The following PPFIA2 variants were observed in gnomAD, a reference collection of about 807,000 sequenced individuals.
The protein encoded by PPFIA2 is PPFI scaffold protein A2.
Under a neutral mutation model 175.5 loss-of-function variants are expected in PPFIA2, and 46 were observed. The observed-to-expected ratio is 0.26, with a 90% CI of 0.21 to 0.34. The LOEUF (loss-of-function observed/expected upper bound fraction) is 0.34, where lower values mean the gene tolerates loss of function less well. PPFIA2 is among the 10% of genes least tolerant of loss of function. The pLI is 1.00. For synonymous variants in PPFIA2, 568 were observed against 511.4 expected (o/e 1.11, Z -1.49); for missense variants, 1,179 against 1,506.1 (o/e 0.78, Z 3.60).
chr12:81,374,494 A>G (rs2035908699), intron 11 of PPFIA2, 140 bp downstream of exon 11: 5 of 866,544 alleles, frequency 5.8e-6, no homozygotes, highest in Non-Finnish European at 7.9e-6. Flanking sequence ...CAAGAAAAAA[A>G]TTGACTTAAT....
intron 22 of PPFIA2, among the ~76,000 whole-genome samples, chr12:81,310,143 C>A (rs529386945): frequency 6.6e-6 from 1 of 152,136 alleles, no homozygotes; most frequent in South Asian, 2.1e-4. Context: ...AGTTTGTATG[C>A]TTCTGAAGGT....
In PPFIA2 at chr12:81,445,538, T is replaced by C; in HGVS notation, c.570+18A>G. ...GACAGAAGTGTAGTTAAGCTTGAAC[T>C]CTTTTTCCATACTATACCTTTTCAT... On this transcript the variant is annotated intron_variant, in intron 6 of 32. Transcript: ENST00000549396. 6.2e-7 allele frequency: 1 copy of C among 1,607,122 alleles called. No homozygotes were observed. The highest frequency in any genetic ancestry group is 8.5e-7 in the Non-Finnish European group (1 of 1,176,514).
At chr12:81,394,289 C>G (rs2040686425) in intron 8 of PPFIA2, among the ~76,000 whole-genome samples, 1 of 151,832 alleles carries the variant, frequency 6.6e-6, no homozygotes, top group Admixed American at 6.6e-5. Context: ...TACTTGGGCT[C>G]TTATATATTT....
intron 2 of PPFIA2, among the ~76,000 whole-genome samples, 187 bp from the exon 3 acceptor site, chr12:81,754,410 T>A (rs1472944734): frequency 6.6e-6 from 1 of 152,206 alleles, no homozygotes; most frequent in Non-Finnish European, 1.5e-5. Context: ...TTTACTTCCT[T>A]CAGCCTAAGT....
intron 21 of PPFIA2, among the ~76,000 whole-genome samples, chr12:81,330,925 A>G (rs2055987226): frequency 6.6e-6 from 1 of 152,236 alleles, no homozygotes; most frequent in Admixed American, 6.5e-5. Flanking sequence ...AAATACAGTC[A>G]TAATTGGAGC....
At chr12:81,747,936 C>T (rs2083269800) in intron 3 of PPFIA2, among the ~76,000 whole-genome samples, 1 of 144,328 alleles carries the variant, frequency 6.9e-6, no homozygotes, top group Non-Finnish European at 1.6e-5. Flanking sequence ...TTTTAAAATG[C>T]TCAGGGTTTC....
At chr12:81,429,026 T>C (rs1371776614) in intron 7 of PPFIA2, among the ~76,000 whole-genome samples, 1 of 152,078 alleles carries the variant, frequency 6.6e-6, no homozygotes, top group East Asian at 1.9e-4. Flanking sequence ...AAAAAATCTC[T>C]TTTATCTGAC....
At chr12:81,293,919 A>G (rs889837550) in intron 24 of PPFIA2, among the ~76,000 whole-genome samples, 1 of 152,230 alleles carries the variant, frequency 6.6e-6, no homozygotes, top group Non-Finnish European at 1.5e-5. Flanking sequence ...GATTGGATAA[A>G]TAAAATGTAT....
At chr12:81,291,335 G>A (rs976130348) in intron 24 of PPFIA2, among the ~76,000 whole-genome samples, 6 of 151,824 alleles carry the variant, frequency 4.0e-5, no homozygotes, top group Non-Finnish European at 7.4e-5. Context: ...CCAGCTTGTA[G>A]TGATTTCTCC....
chr12:81,377,092 C>T (rs1433822981), intron 9 of PPFIA2, among the ~76,000 whole-genome samples: 5 of 151,390 alleles, frequency 3.3e-5, no homozygotes, highest in South Asian at 2.1e-4. Context: ...GAGAAAATAC[C>T]AGAAGTAGTG....
intron 11 of PPFIA2, 198 bp from the exon 12 acceptor site, chr12:81,369,392 T>C: frequency 7.0e-7 from 1 of 1,427,726 alleles, no homozygotes; most frequent in Non-Finnish European, 9.2e-7. Flanking sequence ...CATCCAAGCA[T>C]CAGCAAAACA....
rs1555549584 is a variant in PPFIA2, at chr12:81,642,738, T to TATTATATACATAC, written c.303+34052_303+34053insGTATGTATATAAT. Among the ~76,000 whole-genome samples the TATTATATACATAC allele has an allele frequency of 4.2e-5, 2 of 47,626 alleles. 1 individual carries two copies. The highest frequency in any genetic ancestry group is 1.3e-4 in the African/African-American group (2 of 15,112). The allele number at this position is 47,626 out of a possible 152,430, so 31.2% of individuals were successfully genotyped here. A position where few individuals can be genotyped will look rare whatever the true frequency, so the allele number is the denominator to read the frequency against. ...TGTATTATATACATACATGTATATG[T>TATTATATACATAC]ATGTATGTATTATATACATACATGT... On this transcript the variant is annotated intron_variant, in intron 4 of 32. Transcript: ENST00000549396.
At chr12:81,631,233 T>C (rs139790893) in intron 4 of PPFIA2, among the ~76,000 whole-genome samples, 37 of 152,216 alleles carry the variant, frequency 2.4e-4, no homozygotes, top group South Asian at 8.3e-4. Context: ...ATTCTTATTA[T>C]TAGATATTGA....
At chr12:81,709,016 A>G (rs534121392) in intron 3 of PPFIA2, among the ~76,000 whole-genome samples, 29 of 152,276 alleles carry the variant, frequency 1.9e-4, no homozygotes, top group African/African-American at 6.3e-4. Context: ...TTGTACTCAG[A>G]TTAAAAACCC....
At chr12:81,417,744 A>AT (rs1347261527) in intron 7 of PPFIA2, among the ~76,000 whole-genome samples, 1 of 151,782 alleles carries the variant, frequency 6.6e-6, no homozygotes, top group Non-Finnish European at 1.5e-5. Context: ...ACATATCAAA[A>AT]TAATGTCAGT....
chr12:81,450,889 G>A (rs1291914618), intron 5 of PPFIA2, among the ~76,000 whole-genome samples: 4 of 151,976 alleles, frequency 2.6e-5, no homozygotes, highest in Non-Finnish European at 5.9e-5. Flanking sequence ...ATTCAAGCTT[G>A]GACATAATAC....
At chr12:81,659,586 C>A (rs568824689) in intron 4 of PPFIA2, among the ~76,000 whole-genome samples, 31 of 152,306 alleles carry the variant, frequency 2.0e-4, no homozygotes, top group African/African-American at 7.5e-4. Flanking sequence ...CCCACTGCAG[C>A]TCAAGGAGGC....
intron 7 of PPFIA2, among the ~76,000 whole-genome samples, chr12:81,432,387 C>G (rs1395982406): frequency 6.6e-6 from 1 of 152,038 alleles, no homozygotes; most frequent in African/African-American, 2.4e-5. Context: ...CACATATATG[C>G]CACCACACCC....
chr12:81,605,295 G>A (rs2060177458), intron 4 of PPFIA2, among the ~76,000 whole-genome samples: 1 of 151,588 alleles, frequency 6.6e-6, no homozygotes, highest in Admixed American at 6.6e-5. Context: ...TTTGATAAAT[G>A]GTCAGGGGAA....
Sources: gnomAD v4.1 joint callset for allele counts (sites outside exome capture counted in the v4.1 genomes callset) on GRCh38, gnomAD v4.1.1 for gene constraint, MANE v1.5 for transcripts, NCBI Gene and HGNC (gene_info 2026-07-23, HGNC 2026-07-21) for gene names.